The following UVRAG variants were observed in gnomAD, a reference collection of about 807,000 sequenced individuals.
The protein encoded by UVRAG is UV radiation resistance-associated gene protein.
Under a neutral mutation model 78.0 loss-of-function variants are expected in UVRAG, and 19 were observed. The observed-to-expected ratio is 0.24, with a 90% CI of 0.17 to 0.36. UVRAG has a LOEUF of 0.36. Among genes scored for constraint, UVRAG ranks in the 10% least tolerant of loss-of-function variants. UVRAG has a pLI of 1.00. For missense variants in UVRAG, 740 were observed against 853.8 expected (o/e 0.87, Z 1.66); for synonymous variants, 323 against 324.6 (o/e 1.00, Z 0.05).
In UVRAG at chr11:76,139,330, C is replaced by G. The variant is rs1371912195; in HGVS notation, c.1398-1381C>G. On this transcript the variant is annotated intron_variant, in intron 14 of 14. Transcript: ENST00000356136. ...CTTTTCTTTTCTAGGGCACTTCTTG[C>G]TATTGTAATTTGAAAATGTATTATT... Among the ~76,000 whole-genome samples, 95 of 152,156 alleles carry G rather than the reference C, an allele frequency of 6.2e-4. 2 individuals are homozygous for G. The highest frequency in any genetic ancestry group is 6.2e-3 in the Admixed American group (94 of 15,272).
intron 3 of UVRAG, among the ~76,000 whole-genome samples, chr11:75,879,638 T>C (rs1395941108): frequency 1.3e-5 from 2 of 152,206 alleles, no homozygotes; most frequent in African/African-American, 4.8e-5. Flanking sequence ...TGAAACCATG[T>C]AAGTGAGTGA....
At chr11:75,929,105 C>T (rs1388266237) in intron 6 of UVRAG, among the ~76,000 whole-genome samples, 1 of 152,004 alleles carries the variant, frequency 6.6e-6, no homozygotes, top group African/African-American at 2.4e-5. Flanking sequence ...AATTATGTGA[C>T]TGTGAGAATG....
chr11:76,048,746 AT>A (rs746050971), intron 12 of UVRAG, among the ~76,000 whole-genome samples: 17 of 152,220 alleles, frequency 1.1e-4, no homozygotes, highest in Non-Finnish European at 1.8e-4. Context: ...TAGCTAACTT[AT>A]GTGTGTAATT....
At chr11:75,980,574 G>T (rs576909452) in intron 7 of UVRAG, among the ~76,000 whole-genome samples, 2 of 152,070 alleles carry the variant, frequency 1.3e-5, no homozygotes, top group East Asian at 3.9e-4. Flanking sequence ...GTTGTTTATA[G>T]TGTTTTTTTA....
intron 8 of UVRAG, among the ~76,000 whole-genome samples, chr11:75,985,436 A>G (rs1949480747): frequency 6.6e-6 from 1 of 151,888 alleles, no homozygotes; most frequent in African/African-American, 2.4e-5. Context: ...AGATTTCTTT[A>G]TATATTATGG....
At chr11:75,892,429 A>G (rs1237434705) in intron 5 of UVRAG, 2 of 976,954 alleles carry the variant, frequency 2.0e-6, no homozygotes, top group African/African-American at 3.5e-5. Context: ...AATAGCTAGT[A>G]TTTAGTGAGC....
intron 1 of UVRAG, among the ~76,000 whole-genome samples, chr11:75,842,214 T>C (rs1945929292): frequency 6.6e-6 from 1 of 152,148 alleles, no homozygotes; most frequent in South Asian, 2.1e-4. Flanking sequence ...GGAGGAGACA[T>C]AGACCTCACT....
intron 13 of UVRAG, among the ~76,000 whole-genome samples, chr11:76,088,117 G>T (rs1951624453): frequency 6.6e-6 from 1 of 152,154 alleles, no homozygotes. Flanking sequence ...GCCCAGGCTG[G>T]TCTCAAACTT....
At position 75,902,738 on chromosome 11, in the gene UVRAG, AAGT is replaced by A. The variant is rs537793759; in HGVS notation, c.508-9212_508-9210del. 2.6e-4 allele frequency among the ~76,000 whole-genome samples: 39 copies of A among 151,974 alleles called. 1 individual carries two copies. In the East Asian group the frequency reaches 7.4e-3, roughly 29 times the overall value. On this transcript the variant is annotated intron_variant, in intron 5 of 14. Transcript: ENST00000356136. ...CTAGACTCTTTTGAGTTCTTCTTTGAAGTAGTTCTGGTATCTGTGGCTACTTTT... is the reference window on the plus strand; with the variant it reads ...CTAGACTCTTTTGAGTTCTTCTTTGAAGTTCTGGTATCTGTGGCTACTTTT...
chr11:75,927,607 G>T (rs891419921), intron 6 of UVRAG, among the ~76,000 whole-genome samples: 1 of 152,128 alleles, frequency 6.6e-6, no homozygotes, highest in African/African-American at 2.4e-5. Context: ...AAAGTAGTAG[G>T]AGGAGAATAG....
intron 13 of UVRAG, among the ~76,000 whole-genome samples, chr11:76,097,555 A>G (rs1438658336): frequency 6.6e-6 from 1 of 151,992 alleles, no homozygotes; most frequent in Non-Finnish European, 1.5e-5. Flanking sequence ...GTCCTTACTC[A>G]TTTTTAATGT....
intron 2 of UVRAG, among the ~76,000 whole-genome samples, chr11:75,861,371 G>A (rs947886918): frequency 2.6e-5 from 4 of 152,194 alleles, no homozygotes; most frequent in African/African-American, 9.6e-5. Flanking sequence ...GTACTGCAAT[G>A]GGTAATCATT....
intron 5 of UVRAG, among the ~76,000 whole-genome samples, chr11:75,897,250 T>A (rs1314871733): frequency 6.6e-6 from 1 of 151,500 alleles, no homozygotes; most frequent in Non-Finnish European, 1.5e-5. Context: ...CCTGAACAAA[T>A]GAAAACTCCT....
intron 3 of UVRAG, among the ~76,000 whole-genome samples, chr11:75,871,010 C>A (rs984192632): frequency 2.6e-5 from 4 of 151,752 alleles, no homozygotes; most frequent in African/African-American, 9.7e-5. Context: ...GCTCAGATTA[C>A]AGGCATGTGC....
intron 14 of UVRAG, among the ~76,000 whole-genome samples, chr11:76,121,841 C>T (rs1183911701): frequency 6.6e-6 from 1 of 152,244 alleles, no homozygotes; most frequent in Non-Finnish European, 1.5e-5. Flanking sequence ...CATTCATTCA[C>T]TCACTCAACA....
At chr11:75,962,822 A>G (rs917464297) in intron 7 of UVRAG, among the ~76,000 whole-genome samples, 3 of 152,166 alleles carry the variant, frequency 2.0e-5, no homozygotes, top group Non-Finnish European at 4.4e-5. Context: ...AAAGACTGGG[A>G]AATTAATTGT....
At chr11:76,088,251 A>T (rs1474798398) in intron 13 of UVRAG, among the ~76,000 whole-genome samples, 1 of 152,148 alleles carries the variant, frequency 6.6e-6, no homozygotes, top group Non-Finnish European at 1.5e-5. Flanking sequence ...AGTAGTTTCC[A>T]TTGGCTGATT....
chr11:75,880,131 T>C (rs924141632), intron 4 of UVRAG, 91 bp downstream of exon 4: 4 of 1,467,626 alleles, frequency 2.7e-6, no homozygotes, highest in African/African-American at 1.4e-5. Flanking sequence ...GCGTTTCCTA[T>C]TATAAAGAGA....
At chr11:75,921,364 A>G (rs544732938) in intron 6 of UVRAG, among the ~76,000 whole-genome samples, 1 of 152,316 alleles carries the variant, frequency 6.6e-6, no homozygotes, top group African/African-American at 2.4e-5. Context: ...CTTATTAGCT[A>G]TTTAGGGTAT....
Sources: gnomAD v4.1 joint callset for allele counts (sites outside exome capture counted in the v4.1 genomes callset) on GRCh38, gnomAD v4.1.1 for gene constraint, MANE v1.5 for transcripts, NCBI Gene and HGNC (gene_info 2026-07-23, HGNC 2026-07-21) for gene names.